Variants in FREM1 observed in about 807,000 individuals in gnomAD.
The protein encoded by FREM1 is FRAS1 related extracellular matrix 1.
A neutral mutation model predicts 210.1 loss-of-function variants in FREM1; 220 were observed. The ratio of observed to expected loss-of-function variants is 1.05; its 90% confidence interval spans 0.94 to 1.17. The LOEUF is 1.17. Ranked by LOEUF, FREM1 falls within the 50% of genes most tolerant of loss-of-function variation. FREM1 has a pLI of 0.00. For synonymous variants in FREM1, 1,189 were observed against 980.2 expected, an observed-to-expected ratio of 1.21 and a Z score of -3.98; for missense variants, 3,454 against 2,675.5, an observed-to-expected ratio of 1.29 and a Z score of -6.42.
At position 14,823,341 on chromosome 9, in the gene FREM1, T is replaced by C. The variant is rs1414461801; in HGVS notation, c.2170-14A>G. ...GTTCACAGCATGCTGCAAAGTAAGT[T>C]GAGATGGATATGTGGGTGCTGACTT... On this transcript the variant is annotated splice_polypyrimidine_tract_variant and intron_variant, in intron 12 of 36. Coordinates refer to ENST00000380880, the MANE Select transcript of FREM1 (RefSeq NM_001379081.2). The C allele has an allele frequency of 6.2e-7, 1 of 1,609,164 alleles. No individual in the cohort carries two copies. The highest frequency in any genetic ancestry group is 1.7e-5 in the Admixed American group (1 of 59,882).
intron 1 of FREM1, among the ~76,000 whole-genome samples, chr9:14,878,682 C>T (rs10810281): frequency 0.017 from 2,514 of 152,224 alleles, 80 homozygotes; most frequent in East Asian, 0.13. Flanking sequence ...ATGTCCCTCA[C>T]GAAGATGTTA....
chr9:14,754,001 G>T (rs1443303749), intron 29 of FREM1, among the ~76,000 whole-genome samples: 5 of 152,108 alleles, frequency 3.3e-5, no homozygotes, highest in African/African-American at 1.2e-4. Context: ...AGACAAATGG[G>T]TATTTATCTT....
chr9:14,873,217 T>C (rs1294595621), intron 1 of FREM1, among the ~76,000 whole-genome samples: 6 of 152,118 alleles, frequency 3.9e-5, no homozygotes, highest in Non-Finnish European at 8.8e-5. Context: ...TCTTTTTCTA[T>C]TGATTGGAAT....
chr9:14,832,370 C>A (rs1163354606), intron 10 of FREM1, among the ~76,000 whole-genome samples: 2 of 152,138 alleles, frequency 1.3e-5, no homozygotes, highest in African/African-American at 2.4e-5. Context: ...TTGGCAAACC[C>A]TCACTGCAGC....
intron 27 of FREM1, among the ~76,000 whole-genome samples, chr9:14,768,719 G>C (rs367867428): frequency 6.6e-6 from 1 of 152,130 alleles, no homozygotes; most frequent in Non-Finnish European, 1.5e-5. Flanking sequence ...CTGCTGGTCA[G>C]ATTTTAGAAC....
chr9:14,803,116 CCCT>C (rs1447565121), intron 19 of FREM1, among the ~76,000 whole-genome samples: 1 of 139,224 alleles, frequency 7.2e-6, no homozygotes, highest in East Asian at 2.3e-4. Context: ...CTCCCTCCCT[CCCT>C]CTTTTCCTTT....
chr9:14,775,724 A>AT (rs1848434829), intron 25 of FREM1, 65 bp downstream of exon 25: 97 of 896,478 alleles, frequency 1.1e-4, no homozygotes, highest in Non-Finnish European at 2.0e-5. Context: ...AAAAAAAAAA[A>AT]AAAAAAATTC....
chr9:14,772,282 A>G (rs1415337554), intron 25 of FREM1, among the ~76,000 whole-genome samples: 1 of 152,158 alleles, frequency 6.6e-6, no homozygotes, highest in Admixed American at 6.5e-5. Context: ...TATAATAGCA[A>G]TTTACAAAAG....
chr9:14,860,668 T>C (rs1483383979), intron 3 of FREM1, among the ~76,000 whole-genome samples: 6 of 126,702 alleles, frequency 4.7e-5, no homozygotes, highest in African/African-American at 6.9e-5. Context: ...TATATACATA[T>C]ATACACACAT....
intron 24 of FREM1, among the ~76,000 whole-genome samples, chr9:14,779,775 C>G (rs1849351177): frequency 6.6e-6 from 1 of 152,182 alleles, no homozygotes; most frequent in Non-Finnish European, 1.5e-5. Flanking sequence ...AATATGTTTT[C>G]TGAGGCCAGC....
At chr9:14,886,181 T>C (rs1835771975) in intron 1 of FREM1, among the ~76,000 whole-genome samples, 1 of 152,000 alleles carries the variant, frequency 6.6e-6, no homozygotes, top group South Asian at 2.1e-4. Flanking sequence ...GGTCAAGAGA[T>C]TGAGACCATT....
intron 1 of FREM1, among the ~76,000 whole-genome samples, chr9:14,900,897 A>G (rs1410925847): frequency 1.3e-5 from 2 of 152,144 alleles, no homozygotes; most frequent in African/African-American, 4.8e-5. Context: ...CCCTTCCCCA[A>G]CTTTAGTTTT....
Position 14,769,839 on chromosome 9 carries a change from T to C in FREM1, c.5089A>G (p.Lys1697Glu), listed in dbSNP as rs1468070520. ...AGAATAGTCTTACTGTTTAAGTCCT[T>C]TTGGCTAAATTTCTCATGGATAAAT... ...GEFIHEKFSQ[K>E]DLNSKTILYI... Residue 1697 changes from lysine to glutamate, a missense_variant, in exon 27 of 37, where the codon AAG becomes GAG. By Grantham distance (56) the Lys-to-Glu change is moderately conservative. Transcript: ENST00000380880. 1 of 1,567,142 alleles carries C rather than the reference T, an allele frequency of 6.4e-7. No individual in the cohort carries two copies. Among genetic ancestry groups the C allele is most frequent in the Non-Finnish European group, 8.7e-7 (1 of 1,154,236 alleles).
intron 30 of FREM1, among the ~76,000 whole-genome samples, chr9:14,748,978 A>T (rs910994346): frequency 1.3e-5 from 2 of 152,212 alleles, no homozygotes; most frequent in Non-Finnish European, 2.9e-5. Context: ...ATAAAAGTTT[A>T]TTCACTGATC....
chr9:14,812,603 C>T (rs1418832594), intron 16 of FREM1, among the ~76,000 whole-genome samples: 1 of 152,172 alleles, frequency 6.6e-6, no homozygotes, highest in Non-Finnish European at 1.5e-5. Context: ...ATCTGCCTTT[C>T]TCCGCTGTTT....
rs139513529 is a variant in FREM1 at position 14,888,732 on chromosome 9, C to T, written c.-267-19488G>A. ...ATAACATTCTGCTTCCTCTTCTCTACAATGTTTTCTAATCCATAACCTACA... is the reference window on the plus strand; with the variant it reads ...ATAACATTCTGCTTCCTCTTCTCTATAATGTTTTCTAATCCATAACCTACA... On this transcript the variant is annotated intron_variant, in intron 1 of 36. Transcript: ENST00000380880. Among the ~76,000 whole-genome samples, 224 of 152,294 alleles carry T rather than the reference C, an allele frequency of 1.5e-3. 1 individual carries two copies. Among genetic ancestry groups the T allele is most frequent in the African/African-American group, 5.0e-3 (207 of 41,566 alleles).
intron 21 of FREM1, among the ~76,000 whole-genome samples, chr9:14,793,999 C>G (rs1361738978): frequency 6.6e-6 from 1 of 152,108 alleles, no homozygotes; most frequent in African/African-American, 2.4e-5. Context: ...ACAGATTAAT[C>G]AAAACGGGAA....
Position 14,759,120 on chromosome 9 carries a change from CA to C in FREM1, c.5334+651del, listed in dbSNP as rs545032729. 1.6e-3 allele frequency among the ~76,000 whole-genome samples: 245 copies of C among 152,306 alleles called. 2 individuals carry two copies. The highest frequency in any genetic ancestry group is 5.6e-3 in the African/African-American group (232 of 41,570). On this transcript the variant is annotated intron_variant, in intron 28 of 36. Transcript: ENST00000380880. ...TAAAGCAGAGTTCAGCCCAAGTTCA[CA>C]AAGTTGAATATAGCTCCCTATGAAA...
intron 1 of FREM1, among the ~76,000 whole-genome samples, chr9:14,874,221 C>G (rs1176063862): frequency 2.6e-5 from 4 of 152,108 alleles, no homozygotes; most frequent in Middle Eastern, 6.8e-3. Context: ...CCTGGGTACC[C>G]TTGTTAACTT....
Sources: gnomAD v4.1 joint callset for allele counts (sites outside exome capture counted in the v4.1 genomes callset) on GRCh38, gnomAD v4.1.1 for gene constraint, MANE v1.5 for transcripts, NCBI Gene and HGNC (gene_info 2026-07-23, HGNC 2026-07-21) for gene names.